PTPRD: variants seen among roughly 807,000 people sequenced by gnomAD.
PTPRD encodes the protein receptor-type tyrosine-protein phosphatase delta.
In PTPRD, 34 loss-of-function variants were observed where a neutral mutation model predicts 214.5. The ratio of observed to expected loss-of-function variants is 0.16; its 90% CI spans 0.12 to 0.21. The LOEUF is 0.21. PTPRD is among the 10% of genes least tolerant of loss of function. The probability of loss-of-function intolerance (pLI) is 1.00; values close to 1 mark genes in which losing one functional copy is unlikely to be tolerated. For synonymous variants in PTPRD, 1,128 were observed against 845.7 expected (o/e 1.33, Z -5.79); for missense variants, 2,545 against 2,398.7 (o/e 1.06, Z -1.27).
In PTPRD at chr9:9,854,269, T is replaced by A. The variant is rs149696830; in HGVS notation, c.-368+84238A>T. Among the ~76,000 whole-genome samples the A allele has an allele frequency of 2.7e-3, 406 of 152,316 alleles. 2 individuals carry two copies. Among genetic ancestry groups the A allele is most frequent in the Non-Finnish European group, 3.4e-3 (228 of 68,004 alleles). ...TTAATTATACCTATATGGCACAAGTTAAGCAACCCATGGTCATATAGGGAA... is the reference window on the plus strand; with the variant it reads ...TTAATTATACCTATATGGCACAAGTAAAGCAACCCATGGTCATATAGGGAA... On this transcript the variant is annotated intron_variant, in intron 5 of 45. Coordinates refer to ENST00000381196, the MANE Select transcript of PTPRD (RefSeq NM_002839.4).
chr9:9,901,245 T>G (rs1248414274), intron 5 of PTPRD, among the ~76,000 whole-genome samples: 1 of 152,190 alleles, frequency 6.6e-6, no homozygotes, highest in Non-Finnish European at 1.5e-5. Context: ...ACAATATTTT[T>G]AAAGTTCTAA....
At chr9:10,330,211 T>G (rs1256788109) in intron 3 of PTPRD, among the ~76,000 whole-genome samples, 2 of 151,852 alleles carry the variant, frequency 1.3e-5, no homozygotes, top group Non-Finnish European at 2.9e-5. Context: ...TCTGTGTGGT[T>G]GTACTTTGTA....
At chr9:9,780,594 A>C (rs2154489705) in intron 5 of PTPRD, among the ~76,000 whole-genome samples, 1 of 152,312 alleles carries the variant, frequency 6.6e-6, no homozygotes, top group South Asian at 2.1e-4. Context: ...CTGGTATAAT[A>C]ATGCAAAAAT....
chr9:9,829,912 T>C (rs955260333), intron 5 of PTPRD, among the ~76,000 whole-genome samples: 1 of 151,808 alleles, frequency 6.6e-6, no homozygotes, highest in African/African-American at 2.4e-5. Flanking sequence ...CAAATAATCA[T>C]AGAACTCATA....
At chr9:10,315,904 T>C (rs2096409387) in intron 3 of PTPRD, among the ~76,000 whole-genome samples, 1 of 151,942 alleles carries the variant, frequency 6.6e-6, no homozygotes, top group Non-Finnish European at 1.5e-5. Context: ...GAAAGTTTCA[T>C]GCTGCATCAA....
At chr9:8,981,414 A>T (rs950218200) in intron 11 of PTPRD, among the ~76,000 whole-genome samples, 4 of 151,970 alleles carry the variant, frequency 2.6e-5, no homozygotes, top group Non-Finnish European at 5.9e-5. Context: ...TTTTTTTTTA[A>T]GTAGGTATCG....
intron 11 of PTPRD, among the ~76,000 whole-genome samples, chr9:8,800,895 G>C (rs554281570): frequency 6.6e-6 from 1 of 152,166 alleles, no homozygotes; most frequent in Non-Finnish European, 1.5e-5. Context: ...AATAATATTG[G>C]TAAAAATTGT....
At chr9:8,820,209 T>G (rs2097022524) in intron 11 of PTPRD, among the ~76,000 whole-genome samples, 1 of 152,092 alleles carries the variant, frequency 6.6e-6, no homozygotes, top group Non-Finnish European at 1.5e-5. Context: ...ATAATACAGG[T>G]GCAATTCTGA....
intron 8 of PTPRD, among the ~76,000 whole-genome samples, chr9:9,537,554 C>G (rs549161688): frequency 5.9e-5 from 9 of 151,982 alleles, no homozygotes; most frequent in Admixed American, 2.0e-4. Context: ...AAATCTATCA[C>G]ACATCTTAGA....
intron 2 of PTPRD, among the ~76,000 whole-genome samples, chr9:10,545,801 T>G (rs1468330514): frequency 1.3e-5 from 2 of 152,146 alleles, no homozygotes; most frequent in African/African-American, 4.8e-5. Flanking sequence ...TGGCATTTCT[T>G]TCTTTACTTC....
chr9:9,065,267 G>C (rs967358058), intron 10 of PTPRD, among the ~76,000 whole-genome samples: 1 of 152,136 alleles, frequency 6.6e-6, no homozygotes, highest in African/African-American at 2.4e-5. Flanking sequence ...GATTATGTTT[G>C]AAATAGAGAG....
chr9:9,416,074 A>G (rs184652122), intron 8 of PTPRD, among the ~76,000 whole-genome samples: 2 of 152,220 alleles, frequency 1.3e-5, no homozygotes, highest in Non-Finnish European at 2.9e-5. Flanking sequence ...TTACCTAATA[A>G]ATTGCCAAGT....
At chr9:10,421,109 G>A (rs918922186) in intron 2 of PTPRD, among the ~76,000 whole-genome samples, 2 of 151,838 alleles carry the variant, frequency 1.3e-5, no homozygotes, top group Admixed American at 1.3e-4. Flanking sequence ...AATGTCTTAA[G>A]AAAGTTTACT....
Position 8,521,373 on chromosome 9 carries a change from G to A in PTPRD, c.865C>T (p.Leu289=), listed in dbSNP as rs2138872206. 6.2e-7 allele frequency: 1 copy of A among 1,613,892 alleles called. No homozygotes were observed. The highest frequency in any genetic ancestry group is 8.5e-7 in the Non-Finnish European group (1 of 1,179,914). ...EDDMPIGRNV[L]ELNDVRQSAN... is the part of the protein sequence containing the mutation. ...GACTGTCTTACATCATTCAGTTCTA[G>A]CACATTTCTTCCTATTGGCATATCA... The change falls in exon 20 of 46, where the codon CTA becomes TTA. Residue 289 remains leucine (L), a synonymous_variant. Coordinates refer to ENST00000381196, the MANE Select transcript of PTPRD (RefSeq NM_002839.4).
At chr9:8,753,100 G>A (rs748794774) in intron 11 of PTPRD, among the ~76,000 whole-genome samples, 1 of 152,104 alleles carries the variant, frequency 6.6e-6, no homozygotes. Context: ...AAAATCACTA[G>A]CTTTCAGATC....
intron 11 of PTPRD, among the ~76,000 whole-genome samples, chr9:8,975,657 AT>A (rs2099264023): frequency 6.6e-6 from 1 of 151,914 alleles, no homozygotes; most frequent in South Asian, 2.1e-4. Context: ...TGATGTATGT[AT>A]TTATTCAGTG....
intron 9 of PTPRD, among the ~76,000 whole-genome samples, chr9:9,197,020 A>G (rs1368802513): frequency 1.3e-5 from 2 of 152,180 alleles, no homozygotes; most frequent in African/African-American, 4.8e-5. Flanking sequence ...AAAACATAAT[A>G]ACATTGTCAA....
intron 3 of PTPRD, among the ~76,000 whole-genome samples, chr9:10,251,294 T>A (rs958102544): frequency 1.3e-5 from 2 of 152,144 alleles, no homozygotes; most frequent in African/African-American, 4.8e-5. Flanking sequence ...ACTATTCAAA[T>A]TTTTAGACAT....
chr9:9,518,094 T>A (rs1388598213), intron 8 of PTPRD, among the ~76,000 whole-genome samples: 1 of 152,080 alleles, frequency 6.6e-6, no homozygotes, highest in Non-Finnish European at 1.5e-5. Flanking sequence ...AAACTTCAAG[T>A]AATGACTCTG....
Sources: gnomAD v4.1 joint callset for allele counts (sites outside exome capture counted in the v4.1 genomes callset) on GRCh38, gnomAD v4.1.1 for gene constraint, MANE v1.5 for transcripts, NCBI Gene and HGNC (gene_info 2026-07-23, HGNC 2026-07-21) for gene names.